ZBTB44: variants seen among roughly 807,000 people sequenced by gnomAD.
ZBTB44 encodes the protein zinc finger and BTB domain-containing protein 44.
In ZBTB44, 15 loss-of-function variants were observed where a neutral mutation model predicts 54.0. The observed-to-expected ratio is 0.28, with a 90% CI of 0.19 to 0.43. The LOEUF is 0.43. Ranked by LOEUF, ZBTB44 falls within the 20% of genes least tolerant of loss-of-function variation. ZBTB44 has a pLI of 1.00. For missense variants in ZBTB44, 487 were observed against 707.1 expected (o/e 0.69, Z 3.53); for synonymous variants, 230 against 250.1 (o/e 0.92, Z 0.76).
intron 6 of ZBTB44, chr11:130,233,634 C>T (rs1243064914): frequency 7.9e-7 from 1 of 1,261,830 alleles, no homozygotes; most frequent in Non-Finnish European, 1.0e-6. Flanking sequence ...TTCTCATGTA[C>T]CCTCTTGTCT....
At position 130,227,986 on chromosome 11, in the gene ZBTB44, AATAT is replaced by A. The variant is rs1953749393; in HGVS notation, c.*3774_*3777del. 1 of 152,066 alleles carries A rather than the reference AATAT, an allele frequency of 6.6e-6. No individual in the cohort carries two copies. Among genetic ancestry groups the A allele is most frequent in the African/African-American group, 2.4e-5 (1 of 41,420 alleles). 9.4% of individuals were successfully genotyped at this position (152,066 alleles called of 1,614,324 possible). On this transcript the variant is annotated 3_prime_UTR_variant, in exon 8 of 8. Coordinates refer to ENST00000357899, the MANE Select transcript of ZBTB44 (RefSeq NM_001301098.2). ...GGTCTGTTCTAAAAGTTCTTTCACA[AATAT>A]ATATATTTAAATATTAAAATAGGCT... is the stretch of plus-strand genomic sequence containing the variant.
intron 2 of ZBTB44, among the ~76,000 whole-genome samples, chr11:130,247,329 A>G (rs1434916087): frequency 1.3e-5 from 2 of 152,184 alleles, no homozygotes; most frequent in African/African-American, 2.4e-5. Flanking sequence ...ATCCTGGATG[A>G]GAGGGCAGAT....
intron 1 of ZBTB44, among the ~76,000 whole-genome samples, chr11:130,305,147 T>A (rs1942197513): frequency 6.6e-6 from 1 of 151,498 alleles, no homozygotes. Flanking sequence ...TGCTCATGGA[T>A]GGGTAGAATC....
At position 130,271,673 on chromosome 11, in the gene ZBTB44, T is replaced by C. The variant is rs572249069; in HGVS notation, c.-56-9744A>G. On this transcript the variant is annotated intron_variant, in intron 1 of 7. Coordinates refer to ENST00000357899, the MANE Select transcript of ZBTB44 (RefSeq NM_001301098.2). ...CCATGTATCATGCCTCATTTACATT[T>C]ATTGCTGAAAAAATACTCCACTCCA... 4.1e-4 allele frequency among the ~76,000 whole-genome samples: 62 copies of C among 152,328 alleles called. 1 individual carries two copies. The South Asian group carries it at 0.012, about 30-fold the overall frequency.
intron 1 of ZBTB44, among the ~76,000 whole-genome samples, chr11:130,303,318 T>C (rs759252764): frequency 3.3e-5 from 5 of 152,082 alleles, no homozygotes; most frequent in Admixed American, 6.6e-5. Flanking sequence ...ACCAAATCAA[T>C]AGCAAATCAC....
chr11:130,249,052 T>C (rs1937765778), intron 2 of ZBTB44, among the ~76,000 whole-genome samples: 1 of 152,118 alleles, frequency 6.6e-6, no homozygotes, highest in African/African-American at 2.4e-5. Context: ...TGTAGTAAGC[T>C]GAGATCATGC....
chr11:130,253,976 C>T (rs1435551019), intron 2 of ZBTB44, among the ~76,000 whole-genome samples: 2 of 152,140 alleles, frequency 1.3e-5, no homozygotes, highest in African/African-American at 2.4e-5. Flanking sequence ...GAAAGGATTC[C>T]CTATTTAATA....
chr11:130,240,857 T>G (rs1954331657), intron 2 of ZBTB44, among the ~76,000 whole-genome samples: 1 of 152,234 alleles, frequency 6.6e-6, no homozygotes, highest in South Asian at 2.1e-4. Context: ...GTGGCAGAGT[T>G]TAGTAGCTTT....
chr11:130,260,219 T>C (rs1938761109), intron 2 of ZBTB44, among the ~76,000 whole-genome samples: 1 of 152,218 alleles, frequency 6.6e-6, no homozygotes, highest in Non-Finnish European at 1.5e-5. Flanking sequence ...TACATCATTT[T>C]GCACTGAATT....
At chr11:130,249,233 C>T (rs1026282469) in intron 2 of ZBTB44, among the ~76,000 whole-genome samples, 8 of 152,264 alleles carry the variant, frequency 5.3e-5, no homozygotes, top group Non-Finnish European at 8.8e-5. Context: ...ATTTGGGTTC[C>T]TACTTTCTTA....
chr11:130,264,667 A>G (rs1939122024), intron 1 of ZBTB44, among the ~76,000 whole-genome samples: 1 of 152,226 alleles, frequency 6.6e-6, no homozygotes, highest in African/African-American at 2.4e-5. Flanking sequence ...TGCATTCTCT[A>G]CCATATATTT....
intron 1 of ZBTB44, among the ~76,000 whole-genome samples, chr11:130,297,895 A>G (rs1305346351): frequency 6.6e-6 from 1 of 152,232 alleles, no homozygotes; most frequent in African/African-American, 2.4e-5. Flanking sequence ...TTGTCAGAAG[A>G]GATAAAAGCA....
chr11:130,236,342 T>G lies in ZBTB44; in HGVS notation c.1568+451A>C, dbSNP rs955249714. 44 of 906,104 alleles carry G rather than the reference T, an allele frequency of 4.9e-5. No individual in the cohort carries two copies. In the African/African-American group the frequency reaches 7.7e-4, roughly 16 times the overall value. 56.1% of individuals were successfully genotyped at this position (906,104 alleles called of 1,614,324 possible). ...CCCACTATAGTTGCCTTTGAAATTT[T>G]TCTTACTGGCCAATGGCTATTCCTT... On this transcript the variant is annotated intron_variant, in intron 5 of 7. Coordinates refer to ENST00000357899, the MANE Select transcript of ZBTB44 (RefSeq NM_001301098.2).
chr11:130,233,153 C>T (rs558592495), intron 7 of ZBTB44, 155 bp downstream of exon 7: 46 of 883,558 alleles, frequency 5.2e-5, no homozygotes, highest in Middle Eastern at 3.6e-4. Flanking sequence ...TATGGCAGCA[C>T]GCCAATATAT....
At chr11:130,234,358 A>G (rs12789105) in intron 5 of ZBTB44, 85 bp from the exon 6 acceptor site, 1 of 1,329,120 alleles carries the variant, frequency 7.5e-7, no homozygotes, top group Non-Finnish European at 1.0e-6. Flanking sequence ...TGATTTATAC[A>G]ACAAAATTGG....
In ZBTB44 at chr11:130,296,027, T is replaced by A. The variant is rs569589221; in HGVS notation, c.-57+18348A>T. On this transcript the variant is annotated intron_variant, in intron 1 of 7. Transcript: ENST00000357899. ...ATCCCAGGGTTTATGTATAAAAACC[T>A]GCAGTGTCTGGTTATTGATGAAGCT... The A allele has an allele frequency of 2.9e-5, 45 of 1,577,266 alleles. No homozygotes were observed. In the African/African-American group the frequency reaches 5.4e-4, roughly 19 times the overall value.
intron 1 of ZBTB44, among the ~76,000 whole-genome samples, chr11:130,288,368 T>C (rs1227813147): frequency 6.6e-6 from 1 of 150,840 alleles, no homozygotes; most frequent in Non-Finnish European, 1.5e-5. Flanking sequence ...AGCCAGACTC[T>C]GTCTCGGGAA....
At chr11:130,232,828 C>T (rs1269922989) in intron 7 of ZBTB44, 1 of 152,786 alleles carries the variant, frequency 6.5e-6, no homozygotes, top group Non-Finnish European at 1.5e-5. Context: ...AGTGAGACCT[C>T]ATCTCTACAA....
intron 2 of ZBTB44, among the ~76,000 whole-genome samples, chr11:130,250,576 G>A (rs926415362): frequency 6.6e-5 from 10 of 152,160 alleles, no homozygotes; most frequent in African/African-American, 2.4e-4. Context: ...AGCATCCAGA[G>A]GAAGCAGCAG....
Sources: allele counts gnomAD v4.1 joint callset (sites outside exome capture counted in the v4.1 genomes callset), GRCh38; gene constraint gnomAD v4.1.1; transcripts MANE v1.5; gene names NCBI Gene and HGNC (gene_info 2026-07-23, HGNC 2026-07-21).